The following PRKACB variants were observed in gnomAD, a reference collection of about 807,000 sequenced individuals.
The protein encoded by PRKACB is cAMP-dependent protein kinase catalytic subunit beta.
PRKACB carries 16 observed loss-of-function variants against 51.4 expected under a neutral mutation model. That is an observed-to-expected ratio of 0.31 (90% confidence interval 0.21 to 0.47). The LOEUF is 0.47. Among genes scored for constraint, PRKACB ranks in the 20% least tolerant of loss-of-function variants. The pLI is 1.00. For synonymous variants in PRKACB, 147 were observed against 154.4 expected, an observed-to-expected ratio of 0.95 and a Z score of 0.35; for missense variants, 309 against 464.5, an observed-to-expected ratio of 0.67 and a Z score of 3.08.
chr1:84,217,618 C>T (rs1306886364), intron 9 of PRKACB, among the ~76,000 whole-genome samples: 1 of 152,100 alleles, frequency 6.6e-6, no homozygotes, highest in African/African-American at 2.4e-5. Flanking sequence ...CATAGTGAGA[C>T]ATCATCTCTT....
At chr1:84,139,921 G>A (rs1653231274), upstream of PRKACB, among the ~76,000 whole-genome samples, 1 of 152,120 alleles carries the variant, frequency 6.6e-6, no homozygotes, top group South Asian at 2.1e-4. Flanking sequence ...TTAGTTGGGT[G>A]TGGTGGCATG....
intron 9 of PRKACB, among the ~76,000 whole-genome samples, chr1:84,227,691 G>A (rs1674862127): frequency 6.7e-6 from 1 of 150,026 alleles, no homozygotes; most frequent in South Asian, 2.1e-4. Flanking sequence ...GTAACATACA[G>A]ATTGTAGTAA....
At chr1:84,081,455 A>G (rs1406612353) in intron 1 of PRKACB, among the ~76,000 whole-genome samples, 6 of 152,224 alleles carry the variant, frequency 3.9e-5, no homozygotes, top group Non-Finnish European at 7.4e-5. Context: ...AACTGGTACT[A>G]TTACATACCT....
chr1:84,195,175 A>G, intron 5 of PRKACB, among the ~76,000 whole-genome samples: 1 of 152,234 alleles, frequency 6.6e-6, no homozygotes, highest in East Asian at 1.9e-4. Flanking sequence ...CTCTGCTTAC[A>G]ATGTTCTCCT....
At chr1:84,078,430 C>A in intron 1 of PRKACB, 1 of 1,581,112 alleles carries the variant, frequency 6.3e-7, no homozygotes, top group Non-Finnish European at 8.6e-7. Flanking sequence ...GCACCGAGCG[C>A]CCTCCGGGTC....
chr1:84,199,381 C>T (rs1475154262), intron 7 of PRKACB, among the ~76,000 whole-genome samples: 1 of 152,086 alleles, frequency 6.6e-6, no homozygotes, highest in African/African-American at 2.4e-5. Context: ...TTAGCTCCCA[C>T]TTACAAGTGA....
At chr1:84,120,194 T>C (rs1212527339) in intron 1 of PRKACB, among the ~76,000 whole-genome samples, 1 of 152,112 alleles carries the variant, frequency 6.6e-6, no homozygotes, top group Non-Finnish European at 1.5e-5. Context: ...TGAAGAGTAC[T>C]TCCAAGGGTA....
At chr1:84,115,021 C>A (rs1183628367) in intron 1 of PRKACB, among the ~76,000 whole-genome samples, 1 of 152,126 alleles carries the variant, frequency 6.6e-6, no homozygotes, top group Non-Finnish European at 1.5e-5. Context: ...TTCTTTGATA[C>A]ACTGTCTTCT....
chr1:84,188,215 T>C (rs199914687), intron 5 of PRKACB, among the ~76,000 whole-genome samples: 1 of 40,866 alleles, frequency 2.4e-5, no homozygotes, highest in Non-Finnish European at 7.7e-5. Flanking sequence ...GAACTAACAA[T>C]GTAACAATGT....
intron 1 of PRKACB, among the ~76,000 whole-genome samples, chr1:84,149,743 T>G (rs1370822652): frequency 1.3e-5 from 2 of 152,182 alleles, no homozygotes; most frequent in African/African-American, 4.8e-5. Context: ...GATAAACATC[T>G]TTATAACTAA....
At chr1:84,225,034 G>T (rs11802352) in intron 9 of PRKACB, among the ~76,000 whole-genome samples, 2,572 of 152,232 alleles carry the variant, frequency 0.017, 78 homozygotes, top group African/African-American at 0.059. Flanking sequence ...ATAGACAGAG[G>T]GGGGCACTCC....
At chr1:84,079,153 G>C (rs927683042) in intron 1 of PRKACB, among the ~76,000 whole-genome samples, 4 of 151,182 alleles carry the variant, frequency 2.6e-5, no homozygotes, top group African/African-American at 9.7e-5. Flanking sequence ...AGGTGTGTGT[G>C]TGTCTGTGTG....
At chr1:84,197,624 T>G (rs1407208366) in intron 6 of PRKACB, 105 bp from the exon 7 acceptor site, 1 of 708,330 alleles carries the variant, frequency 1.4e-6, no homozygotes, top group African/African-American at 1.8e-5. Flanking sequence ...TTTTTCCATT[T>G]CTTTCATAGT....
chr1:84,110,382 G>C lies in PRKACB; in HGVS notation c.46+32011G>C, dbSNP rs182722955. On this transcript the variant is annotated intron_variant, in intron 1 of 8. Coordinates refer to the PRKACB transcript ENST00000370688. ...TATGTATGTTTACATATATATATAT[G>C]TAAGTATATATATATACTTGAGTTT... Among the ~76,000 whole-genome samples the C allele has an allele frequency of 4.0e-5, 6 of 150,420 alleles. No individual in the cohort carries two copies. In the East Asian group the frequency reaches 1.2e-3, roughly 29 times the overall value.
chr1:84,222,229 A>G (rs1673841979), intron 9 of PRKACB, among the ~76,000 whole-genome samples: 1 of 152,054 alleles, frequency 6.6e-6, no homozygotes, highest in Admixed American at 6.6e-5. Flanking sequence ...TCTGATATAA[A>G]TTTAGATACT....
chr1:84,168,987 T>C (rs1422517450), intron 1 of PRKACB, among the ~76,000 whole-genome samples: 3 of 151,610 alleles, frequency 2.0e-5, no homozygotes, highest in Non-Finnish European at 3.0e-5. Flanking sequence ...AATGTAAATA[T>C]GTGTACGCTA....
At chr1:84,187,941 AC>A (rs1665659967) in intron 5 of PRKACB, among the ~76,000 whole-genome samples, 5 of 152,198 alleles carry the variant, frequency 3.3e-5, no homozygotes, top group Admixed American at 1.3e-4. Context: ...CATTTTATGC[AC>A]TTTTTAAATA....
chr1:84,091,803 C>A lies in PRKACB; in HGVS notation c.46+13432C>A, dbSNP rs1648497001. Among the ~76,000 whole-genome samples the A allele has an allele frequency of 2.0e-5, 3 of 152,160 alleles. No individual in the cohort carries two copies. The South Asian group carries it at 6.2e-4, about 32-fold the overall frequency. On this transcript the variant is annotated intron_variant, in intron 1 of 8. Coordinates refer to the PRKACB transcript ENST00000370688. ...TACAGGCGTAAGCCACCACAACCTT[C>A]TTGTTCTATTACTCACACAAGTTTA...
rs879554698 is a variant in PRKACB at position 84,102,206 on chromosome 1, T to TA, written c.46+23850dup. On this transcript the variant is annotated intron_variant, in intron 1 of 8. Transcript: ENST00000370688. ...CAATGTGGTGAAACCCCATCTCTAC[T>TA]AAAAAAAAAAAAAAATACAAAACTA... Among the ~76,000 whole-genome samples, 909 of 134,866 alleles carry TA rather than the reference T, an allele frequency of 6.7e-3. 5 individuals carry two copies. Among genetic ancestry groups the TA allele is most frequent in the African/African-American group, 0.021 (757 of 36,814 alleles). 88.5% of individuals were successfully genotyped at this position (134,866 alleles called of 152,430 possible).
Sources: gnomAD v4.1 joint callset for allele counts (sites outside exome capture counted in the v4.1 genomes callset) on GRCh38, gnomAD v4.1.1 for gene constraint, MANE v1.5 for transcripts, NCBI Gene and HGNC (gene_info 2026-07-23, HGNC 2026-07-21) for gene names.